The following HABP2 variants were observed in gnomAD, a reference collection of about 807,000 sequenced individuals.
HABP2 encodes factor VII-activating protease.
HABP2 carries 65 observed loss-of-function variants against 66.5 expected under a neutral mutation model. The ratio of observed to expected loss-of-function variants is 0.98; its 90% CI spans 0.80 to 1.20. HABP2 has a LOEUF of 1.20. HABP2 is among the 50% of genes most tolerant of loss of function. The pLI, the probability that HABP2 is intolerant of heterozygous loss-of-function variation, is 0.00. For missense variants in HABP2, 786 were observed against 691.0 expected, an observed-to-expected ratio of 1.14 and a Z score of -1.54; for synonymous variants, 263 against 253.9, an observed-to-expected ratio of 1.04 and a Z score of -0.34.
chr10:113,572,775 C>T (rs1845336948), intron 2 of HABP2: 2 of 438,622 alleles, frequency 4.6e-6, no homozygotes, highest in Admixed American at 2.6e-5. Flanking sequence ...AAAAGCACTT[C>T]GGGAGAAATA....
Position 113,588,734 on chromosome 10 carries a change from A to C in HABP2, c.*365A>C, listed in dbSNP as rs186172374. On this transcript the variant is annotated 3_prime_UTR_variant, in exon 13 of 13. Coordinates refer to ENST00000351270, the MANE Select transcript of HABP2 (RefSeq NM_004132.5). ...CAGCATCAGCGGGAACCACCATCAC[A>C]TCTTTATTCCTCAGCCCAGACACTC... The C allele has an allele frequency of 1.8e-6, 1 of 556,922 alleles. No homozygotes were observed. Among genetic ancestry groups the C allele is most frequent in the African/African-American group, 1.9e-5 (1 of 53,298 alleles). The allele number at this position is 556,922 out of a possible 1,614,324, so 34.5% of individuals were successfully genotyped here.
chr10:113,555,204 TA>T (rs1228704135), intron 1 of HABP2, among the ~76,000 whole-genome samples: 2 of 152,220 alleles, frequency 1.3e-5, no homozygotes, highest in African/African-American at 4.8e-5. Flanking sequence ...CCCCAAGAAG[TA>T]ATTCCTACTA....
At chr10:113,566,434 A>G (rs3850690) in intron 1 of HABP2, among the ~76,000 whole-genome samples, 17,827 of 152,320 alleles carry the variant, frequency 0.12, 1,952 homozygotes, top group East Asian at 0.38. Flanking sequence ...TTTCTTTTTC[A>G]GGTTGAGTAC....
At chr10:113,585,712 C>A in intron 11 of HABP2, 81 bp from the exon 12 acceptor site, 1 of 1,062,934 alleles carries the variant, frequency 9.4e-7, no homozygotes, top group Non-Finnish European at 1.5e-6. Flanking sequence ...TGGGCTTCTC[C>A]CTGACAATCT....
chr10:113,574,146 C>G (rs1845362884), intron 2 of HABP2, 143 bp from the exon 3 acceptor site: 2 of 561,824 alleles, frequency 3.6e-6, no homozygotes, highest in Non-Finnish European at 6.4e-6. Flanking sequence ...TTCCACTCCC[C>G]TCACTGTGCA....
intron 10 of HABP2, 133 bp from the exon 11 acceptor site, chr10:113,584,015 C>T (rs748602567): frequency 7.1e-5 from 48 of 677,554 alleles, no homozygotes; most frequent in African/African-American, 1.3e-4. Context: ...GAAATGACCA[C>T]GGAAGAAGAT....
intron 12 of HABP2, 34 bp from the exon 13 acceptor site, chr10:113,588,171 C>A: frequency 2.6e-6 from 4 of 1,552,878 alleles, no homozygotes; most frequent in Non-Finnish European, 3.5e-6. Context: ...GTCTCTGGTT[C>A]ACGAGGATGA....
At chr10:113,564,489 C>T (rs897047675) in intron 1 of HABP2, among the ~76,000 whole-genome samples, 1 of 152,146 alleles carries the variant, frequency 6.6e-6, no homozygotes, top group African/African-American at 2.4e-5. Flanking sequence ...CCCCCACCCT[C>T]AGCCCCAAAC....
At chr10:113,552,798 G>T (rs893313867), upstream of HABP2, among the ~76,000 whole-genome samples, 1 of 152,176 alleles carries the variant, frequency 6.6e-6, no homozygotes, top group African/African-American at 2.4e-5. Flanking sequence ...TAGTCACGCT[G>T]TCAGGCTTCC....
intron 2 of HABP2, chr10:113,569,998 G>A (rs913442029): frequency 5.9e-5 from 9 of 152,206 alleles, no homozygotes; most frequent in African/African-American, 2.4e-5. Context: ...CCCCAAACAT[G>A]GACTGAGTTA....
chr10:113,577,356 G>A (rs369478385), intron 5 of HABP2, 90 bp downstream of exon 5: 13 of 746,526 alleles, frequency 1.7e-5, no homozygotes, highest in South Asian at 1.6e-4. Flanking sequence ...TGCATCTGAT[G>A]TTTTTGTGGC....
At chr10:113,573,991 T>A (rs191424539) in intron 2 of HABP2, among the ~76,000 whole-genome samples, 29 of 152,274 alleles carry the variant, frequency 1.9e-4, no homozygotes, top group African/African-American at 6.7e-4. Context: ...ACAGTTGGCT[T>A]TCCTAAGTTC....
At position 113,566,832 on chromosome 10, in the gene HABP2, C is replaced by A. The variant is rs1339884344; in HGVS notation, c.70-657C>A. On this transcript the variant is annotated intron_variant, in intron 1 of 12. Coordinates refer to ENST00000351270, the MANE Select transcript of HABP2 (RefSeq NM_004132.5). ...CCTGAGGTGGGAGGAATTTATCTTG[C>A]GCCATTTTGAAGCCAGGTGTGGCTG... 2.0e-5 allele frequency among the ~76,000 whole-genome samples: 3 copies of A among 152,068 alleles called. No individual in the cohort carries two copies. The East Asian group carries it at 5.8e-4, about 29-fold the overall frequency.
chr10:113,589,585 A>G lies in HABP2; in HGVS notation c.*1216A>G. 9 of 1,529,950 alleles carry G rather than the reference A, an allele frequency of 5.9e-6. No individual in the cohort carries two copies. The highest frequency in any genetic ancestry group is 7.9e-6 in the Non-Finnish European group (9 of 1,136,344). 94.8% of individuals were successfully genotyped at this position (1,529,950 alleles called of 1,614,324 possible). ...AGAGCTAGCTGACCTTTGGCCAAAA[A>G]TAAACTTTGAAAAGAAACAATGAGT... On this transcript the variant is annotated 3_prime_UTR_variant, in exon 13 of 13. Coordinates refer to ENST00000351270, the MANE Select transcript of HABP2 (RefSeq NM_004132.5).
intron 2 of HABP2, among the ~76,000 whole-genome samples, chr10:113,571,197 C>A (rs1026870803): frequency 2.0e-5 from 3 of 152,202 alleles, no homozygotes; most frequent in African/African-American, 4.8e-5. Context: ...TTCTTCTGGG[C>A]TGCATCGGGC....
At chr10:113,576,989 A>G (rs1845423442) in intron 4 of HABP2, among the ~76,000 whole-genome samples, 161 bp from the exon 5 acceptor site, 2 of 152,182 alleles carry the variant, frequency 1.3e-5, no homozygotes, top group South Asian at 4.1e-4. Flanking sequence ...ATGACCCAAA[A>G]ATTAGACAGA....
At chr10:113,557,576 G>A (rs1170919265) in intron 1 of HABP2, among the ~76,000 whole-genome samples, 13 of 152,058 alleles carry the variant, frequency 8.5e-5, no homozygotes, top group East Asian at 1.9e-4. Flanking sequence ...ACTTGGCAAC[G>A]ATCCCAGGAA....
Position 113,574,417 on chromosome 10 carries a change from A to G in HABP2, c.223+12A>G. On this transcript the variant is annotated intron_variant, in intron 3 of 12. Coordinates refer to ENST00000351270, the MANE Select transcript of HABP2 (RefSeq NM_004132.5). ...TGAGGACCAAGCTGGTAGGTACCAA[A>G]TCTCTTTCAGGGACTCTCCTGGGAG... 8 of 1,318,458 alleles carry G rather than the reference A, an allele frequency of 6.1e-6. No homozygotes were observed. The highest frequency in any genetic ancestry group is 8.8e-6 in the Non-Finnish European group (8 of 909,338). 81.7% of individuals were successfully genotyped at this position (1,318,458 alleles called of 1,614,324 possible).
intron 12 of HABP2, among the ~76,000 whole-genome samples, chr10:113,587,295 C>T (rs1008416008): frequency 6.6e-6 from 1 of 151,688 alleles, no homozygotes; most frequent in Non-Finnish European, 1.5e-5. Context: ...CCAGCCTGGG[C>T]AACAAAGCGA....
Sources: gnomAD v4.1 joint callset for allele counts (sites outside exome capture counted in the v4.1 genomes callset) on GRCh38, gnomAD v4.1.1 for gene constraint, MANE v1.5 for transcripts, NCBI Gene and HGNC (gene_info 2026-07-23, HGNC 2026-07-21) for gene names.